CSMD1: variants seen among roughly 807,000 people sequenced by gnomAD.
The protein encoded by CSMD1 is CUB and Sushi multiple domains 1.
CSMD1 carries 213 observed loss-of-function variants against 417.5 expected under a neutral mutation model. The ratio of observed to expected loss-of-function variants is 0.51; its 90% CI spans 0.46 to 0.57. The LOEUF (loss-of-function observed/expected upper bound fraction) is 0.57, where lower values mean the gene tolerates loss of function less well. Among genes scored for constraint, CSMD1 ranks in the 20% least tolerant of loss-of-function variants. The pLI is 0.00. For synonymous variants in CSMD1, 2,862 were observed against 1,736.8 expected, an observed-to-expected ratio of 1.65 and a Z score of -16.11; for missense variants, 6,923 against 4,529.7, an observed-to-expected ratio of 1.53 and a Z score of -15.17.
At chr8:4,003,378 G>T (rs979766722) in intron 4 of CSMD1, among the ~76,000 whole-genome samples, 7 of 151,586 alleles carry the variant, frequency 4.6e-5, no homozygotes. Context: ...GGGCGACACA[G>T]CAAGACACTG....
chr8:3,281,447 G>GA (rs1002118535), intron 26 of CSMD1, among the ~76,000 whole-genome samples: 2 of 151,650 alleles, frequency 1.3e-5, no homozygotes, highest in African/African-American at 2.4e-5. Flanking sequence ...CCATCTCAAG[G>GA]AAAAAAACGG....
At position 4,536,062 on chromosome 8, in the gene CSMD1, T is replaced by A. The variant is rs569780552; in HGVS notation, c.302+101280A>T. On this transcript the variant is annotated intron_variant, in intron 2 of 69. Coordinates refer to ENST00000635120, the MANE Select transcript of CSMD1 (RefSeq NM_033225.6). ...AAACAGCTGAAAATTTCCTCAGTGTTTTCATAGGGCGTGCCCCACTAAGTC... is the reference window on the plus strand; with the variant it reads ...AAACAGCTGAAAATTTCCTCAGTGTATTCATAGGGCGTGCCCCACTAAGTC... Among the ~76,000 whole-genome samples the A allele has an allele frequency of 3.3e-5, 5 of 152,340 alleles. No individual in the cohort carries two copies. In the South Asian group the frequency reaches 1.0e-3, roughly 32 times the overall value.
At chr8:4,307,585 C>G (rs922369800) in intron 3 of CSMD1, among the ~76,000 whole-genome samples, 33 of 152,144 alleles carry the variant, frequency 2.2e-4, no homozygotes, top group African/African-American at 7.7e-4. Flanking sequence ...TTTACAGAGT[C>G]CAGCCTCTGT....
chr8:3,384,633 T>C (rs1475732240), intron 18 of CSMD1, among the ~76,000 whole-genome samples: 2 of 142,060 alleles, frequency 1.4e-5, no homozygotes, highest in Non-Finnish European at 3.0e-5. Context: ...AATTGCTATT[T>C]ATATATTGCT....
intron 1 of CSMD1, among the ~76,000 whole-genome samples, chr8:4,823,487 A>T (rs113767051): frequency 9.2e-5 from 14 of 152,186 alleles, no homozygotes; most frequent in African/African-American, 3.4e-4. Flanking sequence ...GATTCCATAG[A>T]ATAATGCATA....
intron 3 of CSMD1, among the ~76,000 whole-genome samples, chr8:4,397,677 A>T (rs1804345666): frequency 6.6e-6 from 1 of 152,048 alleles, no homozygotes; most frequent in African/African-American, 2.4e-5. Context: ...CGGCAGTAAG[A>T]TGAAGAAATA....
intron 1 of CSMD1, among the ~76,000 whole-genome samples, chr8:4,665,450 A>T (rs145983265): frequency 5.2e-4 from 79 of 152,284 alleles, no homozygotes; most frequent in African/African-American, 1.9e-3. Context: ...AGAGATTCAA[A>T]CTCCACAGCT....
At chr8:4,243,068 T>C (rs1164800950) in intron 3 of CSMD1, among the ~76,000 whole-genome samples, 1 of 152,186 alleles carries the variant, frequency 6.6e-6, no homozygotes, top group Non-Finnish European at 1.5e-5. Context: ...GGGTAGTTTT[T>C]TCCTTTCTTG....
chr8:4,205,826 C>A (rs199855519), intron 3 of CSMD1, among the ~76,000 whole-genome samples: 1 of 152,100 alleles, frequency 6.6e-6, no homozygotes, highest in East Asian at 1.9e-4. Context: ...AAATTCTCCC[C>A]CATTAACATA....
At chr8:4,963,203 C>T (rs112007216) in intron 1 of CSMD1, among the ~76,000 whole-genome samples, 4,439 of 152,112 alleles carry the variant, frequency 0.029, 189 homozygotes, top group African/African-American at 0.096. Context: ...TATTTATTTA[C>T]TTATTTATTT....
At chr8:3,449,920 A>C (rs745697059) in intron 12 of CSMD1, among the ~76,000 whole-genome samples, 2 of 152,196 alleles carry the variant, frequency 1.3e-5, no homozygotes, top group Non-Finnish European at 2.9e-5. Flanking sequence ...CATTTAAGAA[A>C]AACTATTGCT....
chr8:4,052,265 G>C (rs1203015686), intron 3 of CSMD1, among the ~76,000 whole-genome samples: 1 of 152,146 alleles, frequency 6.6e-6, no homozygotes, highest in Non-Finnish European at 1.5e-5. Flanking sequence ...TCCAGACAGG[G>C]CACAGCCTGC....
At chr8:4,486,935 C>G (rs1411340647) in intron 2 of CSMD1, among the ~76,000 whole-genome samples, 2 of 152,106 alleles carry the variant, frequency 1.3e-5, no homozygotes, top group Non-Finnish European at 2.9e-5. Flanking sequence ...GTCAAGCAGG[C>G]AGGGTCCTAA....
intron 3 of CSMD1, among the ~76,000 whole-genome samples, chr8:4,339,123 A>G (rs534612310): frequency 2.0e-5 from 3 of 152,216 alleles, no homozygotes; most frequent in Non-Finnish European, 2.9e-5. Context: ...TGAGGCAGAA[A>G]TATATTCCAA....
intron 7 of CSMD1, among the ~76,000 whole-genome samples, chr8:3,682,454 C>A (rs947898537): frequency 1.3e-5 from 2 of 152,164 alleles, no homozygotes; most frequent in Non-Finnish European, 2.9e-5. Flanking sequence ...CTCATCATCA[C>A]CGGCCATCAG....
chr8:3,983,025 A>G (rs886194367), intron 5 of CSMD1, among the ~76,000 whole-genome samples: 2 of 152,194 alleles, frequency 1.3e-5, no homozygotes, highest in Non-Finnish European at 2.9e-5. Flanking sequence ...ACAGCGGGAT[A>G]AATCATGGGG....
At chr8:4,316,958 C>G (rs77745072) in intron 3 of CSMD1, among the ~76,000 whole-genome samples, 2 of 151,966 alleles carry the variant, frequency 1.3e-5, no homozygotes, top group Admixed American at 6.6e-5. Flanking sequence ...CAGATTCATA[C>G]GAAAACTCAA....
chr8:3,250,815 G>T (rs1422242109), intron 26 of CSMD1, among the ~76,000 whole-genome samples: 4 of 152,154 alleles, frequency 2.6e-5, no homozygotes, highest in Non-Finnish European at 4.4e-5. Flanking sequence ...GATGGCCAGT[G>T]ATGATGAGCA....
At chr8:3,174,631 T>C (rs1257398292) in intron 37 of CSMD1, among the ~76,000 whole-genome samples, 1 of 152,122 alleles carries the variant, frequency 6.6e-6, no homozygotes, top group Non-Finnish European at 1.5e-5. Flanking sequence ...TTAATTACTG[T>C]TTTCTTTTCA....
Sources: allele counts gnomAD v4.1 joint callset (sites outside exome capture counted in the v4.1 genomes callset), GRCh38; gene constraint gnomAD v4.1.1; transcripts MANE v1.5; gene names NCBI Gene and HGNC (gene_info 2026-07-23, HGNC 2026-07-21).